The following WNT8A variants were observed in gnomAD, a reference collection of about 807,000 sequenced individuals.
WNT8A encodes protein Wnt-8a.
Under a neutral mutation model 20.5 loss-of-function variants are expected in WNT8A, and 14 were observed. That is an observed-to-expected ratio of 0.68 (90% CI 0.45 to 1.07). The LOEUF is 1.07. WNT8A is among the 50% of genes least tolerant of loss of function. The probability of loss-of-function intolerance (pLI) is 0.00; values close to 1 mark genes in which losing one functional copy is unlikely to be tolerated. For synonymous variants in WNT8A, 167 were observed against 169.2 expected, an observed-to-expected ratio of 0.99 and a Z score of 0.10; for missense variants, 397 against 462.9, an observed-to-expected ratio of 0.86 and a Z score of 1.31.
At chr5:138,087,759 G>A in intron 2 of WNT8A, 47 bp from the exon 3 acceptor site, 1 of 1,599,600 alleles carries the variant, frequency 6.3e-7, no homozygotes, top group Non-Finnish European at 8.5e-7. Context: ...TCTGCTTTGG[G>A]TAATCAGGGT....
At chr5:138,088,775 G>A in intron 3 of WNT8A, 152 bp from the exon 4 acceptor site, 1 of 992,030 alleles carries the variant, frequency 1.0e-6, no homozygotes, top group Non-Finnish European at 1.5e-6. Flanking sequence ...GTTGGCTTTG[G>A]CAACAGGACT....
At chr5:138,086,364 T>A (rs138624141) in intron 2 of WNT8A, among the ~76,000 whole-genome samples, 143 of 152,076 alleles carry the variant, frequency 9.4e-4, no homozygotes, top group African/African-American at 3.3e-3. Context: ...ACTATAGGCA[T>A]GCACCCCCAT....
chr5:138,091,837 A>AACACTCCAGCCTGGGC (rs1561579067), downstream of WNT8A, among the ~76,000 whole-genome samples: 9 of 134,638 alleles, frequency 6.7e-5, no homozygotes, highest in African/African-American at 1.4e-4. Flanking sequence ...AAAAATAAAT[A>AACACTCCAGCCTGGGC]AATAAATAAA....
At chr5:138,082,921 A>T (rs570642378), upstream of WNT8A, among the ~76,000 whole-genome samples, 5 of 125,540 alleles carry the variant, frequency 4.0e-5, no homozygotes, top group South Asian at 1.1e-3. Context: ...ATAAATAAAT[A>T]AAATAAAATA....
At chr5:138,082,650 CAG>C (rs1199289148), upstream of WNT8A, among the ~76,000 whole-genome samples, 2 of 151,680 alleles carry the variant, frequency 1.3e-5, no homozygotes, top group Non-Finnish European at 2.9e-5. Context: ...GAGGCCGAGG[CAG>C]GTGGATCACG....
chr5:138,089,025 G>A lies in WNT8A; in HGVS notation c.520G>A (p.Ala174Thr), dbSNP rs1428486264. ...GGACAGTTTGGAGAAGGGGAAGGAT[G>A]CCAGAGCCCTGATGAATCTTCACAA... ...FVDSLEKGKD[A>T]RALMNLHNNR... Residue 174 changes from alanine (A) to threonine (T), a missense_variant, in exon 4 of 5, where the codon GCC becomes ACC. Physicochemically the swap from Ala to Thr is moderately conservative, Grantham distance 58. Transcript: ENST00000506684. 6.2e-7 allele frequency: 1 copy of A among 1,613,830 alleles called. No homozygotes were observed. The highest frequency in any genetic ancestry group is 8.5e-7 in the Non-Finnish European group (1 of 1,180,028).
chr5:138,088,799 A>G, intron 3 of WNT8A, 128 bp from the exon 4 acceptor site: 1 of 1,316,178 alleles, frequency 7.6e-7, no homozygotes, highest in Non-Finnish European at 1.0e-6. Flanking sequence ...ACCCACCCCA[A>G]GCACCTCCAT....
rs1750847394 is a variant in WNT8A, at chr5:138,091,293, C to A, written c.*220C>A. On this transcript the variant is annotated 3_prime_UTR_variant, in exon 5 of 5. Transcript: ENST00000506684. Reference sequence around the variant, plus strand: ...CTGGGCCTCCTGACTTTGGCAGACCCCCATTTCATCTTTCCTGCAAACTAC... The same window carrying A: ...CTGGGCCTCCTGACTTTGGCAGACCACCATTTCATCTTTCCTGCAAACTAC... The A allele has an allele frequency of 5.8e-6, 9 of 1,552,622 alleles. No homozygotes were observed. The highest frequency in any genetic ancestry group is 1.4e-5 in the African/African-American group (1 of 73,872).
the WNT8A span, among the ~76,000 whole-genome samples, chr5:138,078,450 T>C: frequency 6.6e-6 from 1 of 152,186 alleles, no homozygotes; most frequent in Non-Finnish European, 1.5e-5. Flanking sequence ...TCAGCCCCTG[T>C]AGGCTCAGAG....
intron 4 of WNT8A, among the ~76,000 whole-genome samples, chr5:138,090,303 C>T (rs1581363112): frequency 6.6e-6 from 1 of 152,142 alleles, no homozygotes; most frequent in Non-Finnish European, 1.5e-5. Context: ...ATCAGAATCA[C>T]CCAGGGAAGC....
upstream of WNT8A, among the ~76,000 whole-genome samples, chr5:138,083,622 C>G (rs551856209): frequency 6.6e-6 from 1 of 152,206 alleles, no homozygotes; most frequent in South Asian, 2.1e-4. Context: ...TTATTAACAC[C>G]TTGGGGAGGA....
intron 2 of WNT8A, among the ~76,000 whole-genome samples, chr5:138,087,160 C>T (rs1189254295): frequency 6.8e-6 from 1 of 146,562 alleles, no homozygotes; most frequent in Non-Finnish European, 1.5e-5. Context: ...AGTTCAAGAC[C>T]AGCCTGGCCA....
intron 2 of WNT8A, among the ~76,000 whole-genome samples, chr5:138,087,386 G>C (rs1211683618): frequency 6.6e-6 from 1 of 151,224 alleles, no homozygotes; most frequent in Non-Finnish European, 1.5e-5. Context: ...CAGCCACAGT[G>C]GTTCACGCCT....
In WNT8A at chr5:138,091,379, T is replaced by C; in HGVS notation, c.*306T>C. 5.7e-6 allele frequency: 8 copies of C among 1,402,072 alleles called. No homozygotes were observed. The highest frequency in any genetic ancestry group is 6.6e-6 in the Non-Finnish European group (7 of 1,055,120). The allele number at this position is 1,402,072 out of a possible 1,614,324, so 86.9% of individuals were successfully genotyped here. A position where few individuals can be genotyped will look rare whatever the true frequency, so the allele number is the denominator to read the frequency against. On this transcript the variant is annotated 3_prime_UTR_variant, in exon 5 of 5. Transcript: ENST00000506684. ...TACAGGGAGAGTTTGGTTTGGGGTCTATATCTAGAGGGACCTTCAAAGTAT... is the reference window on the plus strand; with the variant it reads ...TACAGGGAGAGTTTGGTTTGGGGTCCATATCTAGAGGGACCTTCAAAGTAT...
the WNT8A span, among the ~76,000 whole-genome samples, chr5:138,077,817 C>A: frequency 6.6e-6 from 1 of 152,074 alleles, no homozygotes; most frequent in Non-Finnish European, 1.5e-5. Context: ...TATCCTTGGG[C>A]GATCGCTGTG....
At position 138,091,048 on chromosome 5, in the gene WNT8A, A is replaced by G. The variant is rs756416484; in HGVS notation, c.1085A>G (p.Gln362Arg). Residue 362 changes from glutamine to arginine, a missense_variant, in exon 5 of 5, where the codon CAG becomes CGG. Physicochemically the swap from Gln to Arg is conservative, Grantham distance 43. Coordinates refer to ENST00000506684, the MANE Select transcript of WNT8A (RefSeq NM_001300939.2). ...YYCARSPGSA[Q>R]SLGKGSA ...TGCGCACGCTCCCCAGGCAGTGCCC[A>G]GTCCCTGGGTAAGGGCAGTGCCTGA... is the stretch of plus-strand genomic sequence containing the variant. 2.5e-6 allele frequency: 4 copies of G among 1,612,922 alleles called. No homozygotes were observed. The highest frequency in any genetic ancestry group is 3.4e-6 in the Non-Finnish European group (4 of 1,179,268).
chr5:138,088,034 A>T (rs2151146919), intron 3 of WNT8A, 103 bp downstream of exon 3: 1 of 1,515,368 alleles, frequency 6.6e-7, no homozygotes, highest in South Asian at 1.3e-5. Context: ...AGCTCCCTTA[A>T]ACCTCAAGAC....
downstream of WNT8A, among the ~76,000 whole-genome samples, chr5:138,091,838 A>AC (rs71765841): frequency 1.4e-3 from 196 of 136,220 alleles, 2 homozygotes; most frequent in Admixed American, 2.8e-3. Context: ...AAAATAAATA[A>AC]ATAAATAAAT....
downstream of WNT8A, chr5:138,091,671 T>A: frequency 2.1e-6 from 1 of 467,670 alleles, no homozygotes; most frequent in Non-Finnish European, 3.5e-6. Flanking sequence ...ACACAAAATT[T>A]AAAAATTAGC....
Sources: gnomAD v4.1 joint callset for allele counts (sites outside exome capture counted in the v4.1 genomes callset) on GRCh38, gnomAD v4.1.1 for gene constraint, MANE v1.5 for transcripts, NCBI Gene and HGNC (gene_info 2026-07-23, HGNC 2026-07-21) for gene names.